The following COL8A1 variants were observed in gnomAD, a reference collection of about 807,000 sequenced individuals.
The protein encoded by COL8A1 is collagen type VIII alpha 1 chain, also known as collagen alpha-1(VIII) chain.
A neutral mutation model predicts 42.7 loss-of-function variants in COL8A1; 21 were observed. That is an observed-to-expected ratio of 0.49 (90% confidence interval 0.35 to 0.71). The LOEUF is 0.71. Among genes scored for constraint, COL8A1 ranks in the 30% least tolerant of loss-of-function variants. The pLI is 0.01. For missense variants in COL8A1, 788 were observed against 962.4 expected, an observed-to-expected ratio of 0.82 and a Z score of 2.40; for synonymous variants, 367 against 369.1, an observed-to-expected ratio of 0.99 and a Z score of 0.06.
intron 1 of COL8A1, among the ~76,000 whole-genome samples, chr3:99,692,712 G>A (rs923296464): frequency 1.3e-5 from 2 of 152,238 alleles, no homozygotes; most frequent in African/African-American, 4.8e-5. Flanking sequence ...ACCACAGACC[G>A]CATATATTAC....
At chr3:99,777,769 G>C (rs1240799926) in intron 2 of COL8A1, among the ~76,000 whole-genome samples, 4 of 152,172 alleles carry the variant, frequency 2.6e-5, no homozygotes, top group Admixed American at 6.5e-5. Context: ...TAAGAACCAA[G>C]CTGCCCCAAT....
At chr3:99,697,477 C>A (rs1939413177) in intron 1 of COL8A1, among the ~76,000 whole-genome samples, 1 of 152,030 alleles carries the variant, frequency 6.6e-6, no homozygotes, top group Non-Finnish European at 1.5e-5. Context: ...GGAAAACAAC[C>A]AAATTGTTTA....
intron 1 of COL8A1, among the ~76,000 whole-genome samples, chr3:99,700,441 C>A (rs1939503668): frequency 6.6e-6 from 1 of 152,048 alleles, no homozygotes; most frequent in Non-Finnish European, 1.5e-5. Flanking sequence ...GAGACATGCA[C>A]CCTCACGCTC....
At chr3:99,737,415 C>T (rs1277113237) in intron 1 of COL8A1, among the ~76,000 whole-genome samples, 1 of 152,138 alleles carries the variant, frequency 6.6e-6, no homozygotes, top group African/African-American at 2.4e-5. Flanking sequence ...TCTTTTAGGG[C>T]AGGCCTGGTG....
chr3:99,798,651 CGTGTGTGTATGCGTGCGCAT>C lies in COL8A1; in HGVS notation c.*2527_*2546del, dbSNP rs1363683074. 2.8e-4 allele frequency: 42 copies of C among 151,896 alleles called. No individual in the cohort carries two copies. The highest frequency in any genetic ancestry group is 2.6e-3 in the Admixed American group (40 of 15,260). 9.4% of individuals were successfully genotyped at this position (151,896 alleles called of 1,614,324 possible). ...GTGTGTGTGTGTGCGCGTGAGCGCA[CGTGTGTGTATGCGTGCGCAT>C]GTGTGTGTATGTGTATTATCAGACA... On this transcript the variant is annotated 3_prime_UTR_variant, in exon 4 of 4. Coordinates refer to ENST00000652472, the MANE Select transcript of COL8A1 (RefSeq NM_020351.4).
rs574644869 is a variant in COL8A1, at chr3:99,727,783, C to A, written c.-128-17114C>A. On this transcript the variant is annotated intron_variant, in intron 1 of 3. Coordinates refer to ENST00000652472, the MANE Select transcript of COL8A1 (RefSeq NM_020351.4). ...CCGAATCCAGCAGCACATCCAAAAG[C>A]TTATCCACCATGATCAAATGGGCTT... is the stretch of plus-strand genomic sequence containing the variant. Among the ~76,000 whole-genome samples, 4 of 152,044 alleles carry A rather than the reference C, an allele frequency of 2.6e-5. No homozygotes were observed. The East Asian group carries it at 7.7e-4, about 29-fold the overall frequency.
chr3:99,711,074 C>T (rs1451499744), intron 1 of COL8A1, among the ~76,000 whole-genome samples: 1 of 151,932 alleles, frequency 6.6e-6, no homozygotes, highest in Non-Finnish European at 1.5e-5. Context: ...AAAAAACTAT[C>T]ACTATAGGCA....
At chr3:99,678,659 A>G (rs1428954211) in intron 1 of COL8A1, 1 of 152,094 alleles carries the variant, frequency 6.6e-6, no homozygotes. Flanking sequence ...CTATAAAAAA[A>G]AATCCATGAC....
chr3:99,667,116 C>A (rs973300015), intron 1 of COL8A1, among the ~76,000 whole-genome samples: 1 of 152,234 alleles, frequency 6.6e-6, no homozygotes, highest in South Asian at 2.1e-4. Flanking sequence ...TAGTCAATGA[C>A]AAAACCTAAA....
At chr3:99,752,680 C>G (rs907532783) in intron 2 of COL8A1, among the ~76,000 whole-genome samples, 4 of 151,750 alleles carry the variant, frequency 2.6e-5, no homozygotes, top group African/African-American at 9.7e-5. Flanking sequence ...TTCTCCCTCA[C>G]GCCCCCCACA....
At chr3:99,762,768 T>C (rs1941388649) in intron 2 of COL8A1, among the ~76,000 whole-genome samples, 1 of 152,154 alleles carries the variant, frequency 6.6e-6, no homozygotes, top group Non-Finnish European at 1.5e-5. Context: ...CATAGAGAAT[T>C]CCAGGATCCT....
intron 1 of COL8A1, among the ~76,000 whole-genome samples, chr3:99,738,641 G>A (rs1407194482): frequency 1.3e-5 from 2 of 152,220 alleles, no homozygotes; most frequent in African/African-American, 4.8e-5. Context: ...GTCAGACAGG[G>A]ACATTTAAGT....
At chr3:99,641,521 A>C (rs1004505962) in intron 1 of COL8A1, among the ~76,000 whole-genome samples, 1 of 152,094 alleles carries the variant, frequency 6.6e-6, no homozygotes, top group African/African-American at 2.4e-5. Flanking sequence ...AAAATAAAAA[A>C]CTCCTTAAAA....
At chr3:99,692,887 C>T (rs1210647004) in intron 1 of COL8A1, among the ~76,000 whole-genome samples, 4 of 152,186 alleles carry the variant, frequency 2.6e-5, no homozygotes, top group Non-Finnish European at 5.9e-5. Context: ...TGGCTGGACG[C>T]GTGGCTCACG....
intron 1 of COL8A1, among the ~76,000 whole-genome samples, chr3:99,659,871 A>G (rs953982000): frequency 6.6e-6 from 1 of 152,198 alleles, no homozygotes; most frequent in African/African-American, 2.4e-5. Context: ...ATTTGAAGTC[A>G]GCGTACTGCA....
At chr3:99,778,621 A>T (rs1244710736) in intron 2 of COL8A1, among the ~76,000 whole-genome samples, 2 of 152,258 alleles carry the variant, frequency 1.3e-5, no homozygotes, top group African/African-American at 2.4e-5. Flanking sequence ...TAAAATAAAA[A>T]AAAAAAGGCA....
Position 99,795,321 on chromosome 3 carries a change from G to C in COL8A1, c.1420G>C (p.Gly474Arg). The stretch of plus-strand genomic sequence containing the variant: ...GCAAAAAGGTGTACCAGGACTCCCT[G>C]GTGTTCCAGGGCTTCTCGGACCTAA... ...AGQKGVPGLPGVPGLLGPKGE... is the reference protein window; with the variant it reads ...AGQKGVPGLPRVPGLLGPKGE... Residue 474 changes from glycine (G) to arginine (R), a missense_variant, in exon 4 of 4, where the codon GGT (glycine) becomes CGT (arginine). Coordinates refer to ENST00000652472, the MANE Select transcript of COL8A1 (RefSeq NM_020351.4). The C allele has an allele frequency of 6.2e-7, 1 of 1,605,186 alleles. No homozygotes were observed. The highest frequency in any genetic ancestry group is 8.5e-7 in the Non-Finnish European group (1 of 1,175,718).
chr3:99,725,697 G>C (rs982522343), intron 1 of COL8A1, among the ~76,000 whole-genome samples: 4 of 151,112 alleles, frequency 2.6e-5, no homozygotes, highest in African/African-American at 9.7e-5. Flanking sequence ...AGTTTGCTGA[G>C]AATGATGCTT....
intron 1 of COL8A1, among the ~76,000 whole-genome samples, chr3:99,737,930 T>C (rs905593823): frequency 1.7e-4 from 25 of 151,468 alleles, no homozygotes; most frequent in East Asian, 1.5e-3. Context: ...CATTTCTTTT[T>C]ATTCTTTTTT....
Sources: allele counts gnomAD v4.1 joint callset (sites outside exome capture counted in the v4.1 genomes callset), GRCh38; gene constraint gnomAD v4.1.1; transcripts MANE v1.5; gene names NCBI Gene and HGNC (gene_info 2026-07-23, HGNC 2026-07-21).